The following TOX3 variants were observed in gnomAD, a reference collection of about 807,000 sequenced individuals.
TOX3 encodes CAG trinucleotide repeat-containing gene F9 protein.
In TOX3, 22 loss-of-function variants were observed where a neutral mutation model predicts 64.3. The observed-to-expected ratio is 0.34, with a 90% CI of 0.24 to 0.49. The LOEUF (loss-of-function observed/expected upper bound fraction) is 0.49, where lower values mean the gene tolerates loss of function less well. Among genes scored for constraint, TOX3 ranks in the 20% least tolerant of loss-of-function variants. The pLI is 0.99. For missense variants in TOX3, 661 were observed against 714.4 expected (o/e 0.93, Z 0.85); for synonymous variants, 291 against 273.6 (o/e 1.06, Z -0.63).
rs1403138578 is a variant in TOX3 at position 52,438,601 on chromosome 16, T to G, written c.*624A>C. The G allele has an allele frequency of 5.3e-6, 1 of 187,046 alleles. No individual in the cohort carries two copies. Among genetic ancestry groups the G allele is most frequent in the African/African-American group, 2.4e-5 (1 of 41,826 alleles). The allele number at this position is 187,046 out of a possible 1,614,324, so 11.6% of individuals were successfully genotyped here. On this transcript the variant is annotated 3_prime_UTR_variant, in exon 7 of 7. Coordinates refer to ENST00000219746, the MANE Select transcript of TOX3 (RefSeq NM_001080430.4). ...TGGTTTGATTTGGAGAAGTCATGGA[T>G]AAAAAGTGGAAATTAGTCAATAATT... is the stretch of plus-strand genomic sequence containing the variant.
intron 1 of TOX3, among the ~76,000 whole-genome samples, chr16:52,528,597 T>C (rs888994177): frequency 1.3e-5 from 2 of 152,162 alleles, no homozygotes; most frequent in African/African-American, 4.8e-5. Flanking sequence ...GCCGGCCAAC[T>C]GCTTCATATG....
In TOX3 at chr16:52,545,055, G is replaced by T. The variant is rs969904527; in HGVS notation, c.87+1582C>A. The stretch of plus-strand genomic sequence containing the variant: ...ACTGGAACAATTAGGTAGATTCTCA[G>T]AAACACTACATACTTAATTAGGCTG... On this transcript the variant is annotated intron_variant, in intron 1 of 6. Transcript: ENST00000219746. Among the ~76,000 whole-genome samples, 59 of 152,230 alleles carry T rather than the reference G, an allele frequency of 3.9e-4. 1 individual carries two copies. The highest frequency in any genetic ancestry group is 3.9e-3 in the Admixed American group (59 of 15,278).
At chr16:52,458,826 G>A (rs754755549) in intron 3 of TOX3, among the ~76,000 whole-genome samples, 10 of 152,164 alleles carry the variant, frequency 6.6e-5, no homozygotes, top group Non-Finnish European at 1.0e-4. Context: ...TTGTAAAAGT[G>A]TCTGTGGCCT....
rs567832624 is a variant in TOX3 at position 52,438,649 on chromosome 16, T to C, written c.*576A>G. 2.2e-5 allele frequency: 4 copies of C among 182,634 alleles called. No individual in the cohort carries two copies. The East Asian group carries it at 6.4e-4, about 29-fold the overall frequency. The allele number at this position is 182,634 out of a possible 1,614,324, so 11.3% of individuals were successfully genotyped here. On this transcript the variant is annotated 3_prime_UTR_variant, in exon 7 of 7. Coordinates refer to ENST00000219746, the MANE Select transcript of TOX3 (RefSeq NM_001080430.4). ...ATTGAATTTAGTCACTTGCATTTTT[T>C]TTCTGGAGAGATTTAGGAAAAAAAA...
intron 4 of TOX3, among the ~76,000 whole-genome samples, chr16:52,447,956 C>T (rs1960212921): frequency 1.3e-5 from 2 of 152,128 alleles, no homozygotes; most frequent in Admixed American, 6.5e-5. Context: ...TCCAGAGTAG[C>T]TTTTTTTCCA....
rs1959853137 is a variant in TOX3 at position 52,439,259 on chromosome 16, T to A, written c.1697A>T (p.Gln566Leu). The A allele has an allele frequency of 6.2e-7, 1 of 1,613,948 alleles. No individual in the cohort carries two copies. The highest frequency in any genetic ancestry group is 2.2e-5 in the East Asian group (1 of 44,860). ...ACTGACCTGCGATAATACTTGAGTC[T>A]GTGTCTGAGACTGTATTTGCGACTG... ...QHQSQIQSQT[Q>L]TQVLSQVSIF The change falls in exon 7 of 7, where the codon CAG (glutamine) becomes CTG (leucine). Residue 566 changes from glutamine (Q) to leucine (L), a missense_variant. Around this residue, in one of 3 missense-constraint regions of TOX3, gnomAD observed 299 missense variants for 292.1 expected, o/e 1.02. Coordinates refer to ENST00000219746, the MANE Select transcript of TOX3 (RefSeq NM_001080430.4).
intron 1 of TOX3, among the ~76,000 whole-genome samples, chr16:52,494,449 C>T (rs45603543): frequency 2.0e-5 from 3 of 152,196 alleles, no homozygotes; most frequent in African/African-American, 7.2e-5. Flanking sequence ...AGGAAATACA[C>T]CTCTATTACA....
chr16:52,445,963 T>A, intron 5 of TOX3, 31 bp downstream of exon 5: 1 of 1,590,612 alleles, frequency 6.3e-7, no homozygotes, highest in South Asian at 1.1e-5. Context: ...ATGAGGTTTA[T>A]TGATGGAGCC....
At position 52,439,357 on chromosome 16, in the gene TOX3, G is replaced by A. The variant is rs1267038607; in HGVS notation, c.1599C>T (p.His533=). ...ATGTTATCTGAGAGGCGACAGGGGA[G>A]TGCTGCCGAGGAGAAGGCTGAGACT... ...QHQSQPSPRQ[H]SPVASQITSP... Residue 533 remains histidine (H), a synonymous_variant, in exon 7 of 7, where the codon CAC becomes CAT. Transcript: ENST00000219746. 6.2e-7 allele frequency: 1 copy of A among 1,610,060 alleles called. No homozygotes were observed. Among genetic ancestry groups the A allele is most frequent in the South Asian group, 1.1e-5 (1 of 90,532 alleles).
intron 1 of TOX3, among the ~76,000 whole-genome samples, chr16:52,529,001 G>T (rs1962787243): frequency 6.6e-6 from 1 of 152,170 alleles, no homozygotes; most frequent in Admixed American, 6.5e-5. Context: ...TTTACATGTG[G>T]ACCAGACAAC....
chr16:52,489,594 A>T (rs1961620181), intron 1 of TOX3, among the ~76,000 whole-genome samples: 2 of 152,108 alleles, frequency 1.3e-5, no homozygotes. Flanking sequence ...TCTTCTTAAC[A>T]CATCCTCTAA....
intron 6 of TOX3, among the ~76,000 whole-genome samples, chr16:52,440,227 A>G (rs1196739912): frequency 6.6e-6 from 1 of 152,116 alleles, no homozygotes; most frequent in Non-Finnish European, 1.5e-5. Context: ...CTCCAGTTCC[A>G]AGACGAGGCT....
At chr16:52,469,591 T>A (rs563255861) in intron 1 of TOX3, among the ~76,000 whole-genome samples, 3 of 152,332 alleles carry the variant, frequency 2.0e-5, no homozygotes, top group African/African-American at 7.2e-5. Context: ...AATGTGTATA[T>A]CTATTCTCTA....
chr16:52,465,675 C>T (rs965123729), intron 2 of TOX3, among the ~76,000 whole-genome samples: 2 of 151,466 alleles, frequency 1.3e-5, no homozygotes, highest in African/African-American at 4.9e-5. Context: ...AGCTATCAAT[C>T]ATGATATAAT....
At chr16:52,475,057 T>C (rs1961168710) in intron 1 of TOX3, among the ~76,000 whole-genome samples, 1 of 152,110 alleles carries the variant, frequency 6.6e-6, no homozygotes, top group South Asian at 2.1e-4. Flanking sequence ...GAGTCTTTTC[T>C]CAGATGTCAC....
chr16:52,491,687 C>T (rs551373505), intron 1 of TOX3, among the ~76,000 whole-genome samples: 1 of 152,132 alleles, frequency 6.6e-6, no homozygotes, highest in South Asian at 2.1e-4. Flanking sequence ...CTCTTTTGTT[C>T]TCAGTATTGG....
At position 52,439,637 on chromosome 16, in the gene TOX3, T is replaced by G. The variant is rs373983179; in HGVS notation, c.1319A>C (p.Gln440Pro). 4 of 1,613,804 alleles carry G rather than the reference T, an allele frequency of 2.5e-6. No homozygotes were observed. In the African/African-American group the frequency reaches 5.3e-5, roughly 22 times the overall value. Residue 440 changes from glutamine (Q) to proline (P), a missense_variant, in exon 7 of 7, where the codon CAG (glutamine) becomes CCG (proline). By Grantham distance (76) the Gln-to-Pro change is moderately conservative. Around this residue, in one of 3 missense-constraint regions of TOX3, gnomAD observed 299 missense variants for 292.1 expected, o/e 1.02. Transcript: ENST00000219746. ...TQVSPSVQTQ[Q>P]HQMQLQQQQQ... ...CTGCTGCTGCAATTGCATCTGATGC[T>G]GCTGGGTTTGCACCGAAGGACTCAC...
chr16:52,531,006 A>C (rs978824522), intron 1 of TOX3, among the ~76,000 whole-genome samples: 22 of 152,210 alleles, frequency 1.4e-4, no homozygotes, highest in East Asian at 1.2e-3. Flanking sequence ...GTATAGTCAA[A>C]ACTACAGTGT....
intron 1 of TOX3, among the ~76,000 whole-genome samples, chr16:52,517,265 TTCCCGTGG>T (rs1962483990): frequency 6.6e-6 from 1 of 152,200 alleles, no homozygotes; most frequent in African/African-American, 2.4e-5. Context: ...CACTCAAAGA[TTCCCGTGG>T]TTCCCAGAGC....
Sources: allele counts gnomAD v4.1 joint callset (sites outside exome capture counted in the v4.1 genomes callset), GRCh38; gene constraint gnomAD v4.1.1; regional missense constraint gnomAD v4.1.1; transcripts MANE v1.5; gene names NCBI Gene and HGNC (gene_info 2026-07-23, HGNC 2026-07-21).